The following DNAAF11 variants were observed in gnomAD, a reference collection of about 807,000 sequenced individuals.
DNAAF11 encodes dynein axonemal assembly factor 11, also known as leucine rich repeat containing 6.
In DNAAF11, 45 loss-of-function variants were observed where a neutral mutation model predicts 60.8. The observed-to-expected ratio is 0.74, with a 90% CI of 0.58 to 0.95. DNAAF11 has a LOEUF of 0.95. Ranked by LOEUF, DNAAF11 falls within the 40% of genes least tolerant of loss-of-function variation. The probability of loss-of-function intolerance (pLI) is 0.00; values close to 1 mark genes in which losing one functional copy is unlikely to be tolerated. For synonymous variants in DNAAF11, 191 were observed against 183.5 expected, an observed-to-expected ratio of 1.04 and a Z score of -0.33; for missense variants, 546 against 546.2, an observed-to-expected ratio of 1.00 and a Z score of 0.00.
chr8:132,628,559 G>A (rs1484473884), intron 5 of DNAAF11, among the ~76,000 whole-genome samples: 2 of 152,136 alleles, frequency 1.3e-5, no homozygotes, highest in Non-Finnish European at 2.9e-5. Context: ...GCTCTACCTA[G>A]TCAAGAGGTA....
intron 5 of DNAAF11, among the ~76,000 whole-genome samples, chr8:132,626,540 A>C (rs1360757353): frequency 1.3e-5 from 2 of 152,328 alleles, no homozygotes; most frequent in Non-Finnish European, 2.9e-5. Flanking sequence ...TTCAACATGG[A>C]TCCAAAATAT....
Position 132,656,822 on chromosome 8 carries a change from A to G in DNAAF11, c.256+8T>C. ...TTCATAATAGCATAATAGAAGAAAC[A>G]GTCTTACCTTCCAAGTTTTCTATTT... On this transcript the variant is annotated splice_region_variant and intron_variant, in intron 3 of 11. Transcript: ENST00000620350. 1 of 1,168,266 alleles carries G rather than the reference A, an allele frequency of 8.6e-7. No homozygotes were observed. The allele number at this position is 1,168,266 out of a possible 1,614,324, so 72.4% of individuals were successfully genotyped here.
the DNAAF11 span, among the ~76,000 whole-genome samples, chr8:132,681,318 C>CTTTTTTTTT: frequency 6.2e-5 from 8 of 129,066 alleles, no homozygotes; most frequent in African/African-American, 2.4e-4. Context: ...CCAACCATTC[C>CTTTTTTTTT]TTTTTTTTTT....
intron 8 of DNAAF11, among the ~76,000 whole-genome samples, 184 bp downstream of exon 8, chr8:132,614,850 CTTTA>C (rs1278541737): frequency 6.6e-6 from 1 of 152,182 alleles, no homozygotes; most frequent in Non-Finnish European, 1.5e-5. Context: ...GAAATTGTGG[CTTTA>C]TTTACCTTTC....
At chr8:132,674,533 G>A (rs570084031) in intron 1 of DNAAF11, among the ~76,000 whole-genome samples, 2 of 152,166 alleles carry the variant, frequency 1.3e-5, no homozygotes, top group East Asian at 1.9e-4. Flanking sequence ...ATATCAAAAT[G>A]GTTCATACAA....
At chr8:132,644,186 T>C (rs1380709172) in intron 3 of DNAAF11, among the ~76,000 whole-genome samples, 6 of 152,196 alleles carry the variant, frequency 3.9e-5, no homozygotes, top group Non-Finnish European at 5.9e-5. Context: ...TAAATTATTC[T>C]TTCCTCCATT....
the DNAAF11 span, among the ~76,000 whole-genome samples, chr8:132,681,003 CTTT>C: frequency 1.7e-4 from 9 of 52,334 alleles, no homozygotes; most frequent in African/African-American, 4.6e-4. Context: ...ATAACTATTC[CTTT>C]TTTTTTTTTT....
At chr8:132,641,292 T>C (rs145145529) in intron 3 of DNAAF11, among the ~76,000 whole-genome samples, 1 of 152,342 alleles carries the variant, frequency 6.6e-6, no homozygotes, top group African/African-American at 2.4e-5. Context: ...GTTCCTTTTA[T>C]GGTCATCAGA....
the DNAAF11 span, among the ~76,000 whole-genome samples, chr8:132,684,165 G>A: frequency 6.6e-6 from 1 of 152,304 alleles, no homozygotes; most frequent in Non-Finnish European, 1.5e-5. Context: ...ACCAACTGCA[G>A]TTTCAGGGGT....
intron 11 of DNAAF11, among the ~76,000 whole-genome samples, chr8:132,579,720 C>T (rs748770514): frequency 3.3e-5 from 5 of 152,084 alleles, no homozygotes; most frequent in Non-Finnish European, 5.9e-5. Flanking sequence ...CTAGGCCAGG[C>T]GTAGTGTCTC....
At chr8:132,579,519 C>T (rs755766408) in intron 11 of DNAAF11, among the ~76,000 whole-genome samples, 2 of 152,036 alleles carry the variant, frequency 1.3e-5, no homozygotes, top group African/African-American at 4.8e-5. Flanking sequence ...TGTATGTTTC[C>T]GGAGTGGGGA....
intron 7 of DNAAF11, among the ~76,000 whole-genome samples, chr8:132,618,802 G>T (rs974090057): frequency 6.6e-6 from 1 of 152,124 alleles, no homozygotes; most frequent in Non-Finnish European, 1.5e-5. Context: ...GAAACAACAG[G>T]TGTTGGAGAG....
chr8:132,677,861 G>C (rs1254455131), upstream of DNAAF11, among the ~76,000 whole-genome samples: 1 of 152,118 alleles, frequency 6.6e-6, no homozygotes, highest in African/African-American at 2.4e-5. Flanking sequence ...ATGACAGAAG[G>C]GATAGAAAAG....
intron 3 of DNAAF11, among the ~76,000 whole-genome samples, chr8:132,647,107 CAGCAAATGTAAAAGAACAGAAA>C (rs1822479209): frequency 6.6e-6 from 1 of 152,178 alleles, no homozygotes; most frequent in Non-Finnish European, 1.5e-5. Flanking sequence ...AAGCACTCCT[CAGCAAATGTAAAAGAACAGAAA>C]TTATAACAAA....
intron 10 of DNAAF11, among the ~76,000 whole-genome samples, chr8:132,600,173 T>C (rs962120360): frequency 6.6e-6 from 1 of 152,156 alleles, no homozygotes; most frequent in African/African-American, 2.4e-5. Flanking sequence ...CCATTCACAA[T>C]TGCTTCAAAG....
the DNAAF11 span, among the ~76,000 whole-genome samples, chr8:132,700,657 G>A: frequency 6.6e-6 from 1 of 152,126 alleles, no homozygotes; most frequent in African/African-American, 2.4e-5. Flanking sequence ...CTCTGCACTT[G>A]CACTCCAGCC....
chr8:132,592,565 A>T (rs539357898), intron 10 of DNAAF11, among the ~76,000 whole-genome samples: 82 of 152,306 alleles, frequency 5.4e-4, no homozygotes, highest in African/African-American at 1.9e-3. Context: ...TTAGGACTTT[A>T]TTCTAAAGAT....
At chr8:132,595,781 A>G (rs1226813677) in intron 10 of DNAAF11, among the ~76,000 whole-genome samples, 1 of 152,192 alleles carries the variant, frequency 6.6e-6, no homozygotes, top group East Asian at 1.9e-4. Flanking sequence ...ACGAAAAAGT[A>G]AATAAAAGGG....
intron 3 of DNAAF11, among the ~76,000 whole-genome samples, chr8:132,647,257 C>T (rs552222502): frequency 1.1e-4 from 17 of 151,924 alleles, no homozygotes; most frequent in African/African-American, 3.6e-4. Context: ...GGGTACATAA[C>T]GAAATGAAGG....
Sources: gnomAD v4.1 joint callset for allele counts (sites outside exome capture counted in the v4.1 genomes callset) on GRCh38, gnomAD v4.1.1 for gene constraint, MANE v1.5 for transcripts, NCBI Gene and HGNC (gene_info 2026-07-23, HGNC 2026-07-21) for gene names.